PCDHA1: variants seen among roughly 807,000 people sequenced by gnomAD.
The protein encoded by PCDHA1 is protocadherin alpha-1.
PCDHA1 carries 42 observed loss-of-function variants against 61.3 expected under a neutral mutation model. The ratio of observed to expected loss-of-function variants is 0.69; its 90% confidence interval spans 0.54 to 0.89. The LOEUF is 0.89. Among genes scored for constraint, PCDHA1 ranks in the 40% least tolerant of loss-of-function variants. PCDHA1 has a pLI of 0.00. For synonymous variants in PCDHA1, 610 were observed against 553.8 expected, an observed-to-expected ratio of 1.10 and a Z score of -1.43; for missense variants, 1,256 against 1,235.3, an observed-to-expected ratio of 1.02 and a Z score of -0.25.
At chr5:140,850,834 C>G in intron 1 of PCDHA1, 1 of 1,597,920 alleles carries the variant, frequency 6.3e-7, no homozygotes, top group South Asian at 1.1e-5. Flanking sequence ...TCTCCTTGTG[C>G]TGGATCTACA....
intron 1 of PCDHA1, among the ~76,000 whole-genome samples, chr5:140,833,087 TAG>T (rs1281254791): frequency 6.6e-6 from 1 of 152,190 alleles, no homozygotes; most frequent in Non-Finnish European, 1.5e-5. Flanking sequence ...CTTTGAGTAC[TAG>T]ACGAGTAATT....
intron 1 of PCDHA1, chr5:140,877,158 G>A (rs781901798): frequency 1.2e-6 from 2 of 1,613,808 alleles, no homozygotes; most frequent in Admixed American, 3.3e-5. Context: ...ACGACAACGC[G>A]CCGGCACTGC....
chr5:140,797,173 C>T (rs1554120320), intron 1 of PCDHA1: 4 of 1,614,114 alleles, frequency 2.5e-6, no homozygotes, highest in Non-Finnish European at 3.4e-6. Flanking sequence ...GCCAGGAAAG[C>T]CCACGCTGGT....
chr5:140,850,459 G>T (rs868917699), intron 1 of PCDHA1: 1 of 1,597,898 alleles, frequency 6.3e-7, no homozygotes, highest in Admixed American at 1.7e-5. Flanking sequence ...AAAGACCACG[G>T]GGAGCCAGCG....
rs2150409863 is a variant in PCDHA1 at position 140,848,399 on chromosome 5, C to A, written c.2394+59715C>A. 68 of 1,293,766 alleles carry A rather than the reference C, an allele frequency of 5.3e-5. 5 individuals are homozygous for A. In the Admixed American group the frequency reaches 5.7e-4, roughly 11 times the overall value. The allele number at this position is 1,293,766 out of a possible 1,614,324, so 80.1% of individuals were successfully genotyped here. A position where few individuals can be genotyped will look rare whatever the true frequency, so the allele number is the denominator to read the frequency against. The stretch of plus-strand genomic sequence containing the variant: ...TCTTTTTCACTCTCTCTGTGCTGAA[C>A]GATGGCGAACACAGCAGAATGGGAC... On this transcript the variant is annotated intron_variant, in intron 1 of 3. Coordinates refer to ENST00000504120, the MANE Select transcript of PCDHA1 (RefSeq NM_018900.4).
In PCDHA1 at chr5:140,788,200, T is replaced by C. The variant is rs1752148896; in HGVS notation, c.1910T>C (p.Leu637Pro). The change falls in exon 1 of 4, where the codon CTG becomes CCG. Residue 637 changes from leucine (L) to proline (P), a missense_variant. By Grantham distance (98) the Leu-to-Pro change is moderately conservative. Coordinates refer to ENST00000504120, the MANE Select transcript of PCDHA1 (RefSeq NM_018900.4). ...YTGEISTTRV[L>P]DEADLSRYRL... is the part of the protein sequence containing the mutation. The stretch of plus-strand genomic sequence containing the variant: ...GGCGAGATCAGCACGACTCGTGTCC[T>C]GGACGAGGCTGACTTGTCGCGCTAC... 1 of 1,614,054 alleles carries C rather than the reference T, an allele frequency of 6.2e-7. No homozygotes were observed. The highest frequency in any genetic ancestry group is 1.3e-5 in the African/African-American group (1 of 75,064).
At chr5:140,846,654 A>T (rs941473250) in intron 1 of PCDHA1, among the ~76,000 whole-genome samples, 1 of 149,238 alleles carries the variant, frequency 6.7e-6, no homozygotes, top group African/African-American at 2.5e-5. Flanking sequence ...GATTACAGGC[A>T]TGAGCCACCG....
chr5:140,884,418 T>C, intron 1 of PCDHA1: 2 of 1,613,974 alleles, frequency 1.2e-6, no homozygotes, highest in South Asian at 2.2e-5. Flanking sequence ...ACGTTGCTGC[T>C]GTATACTGCG....
At chr5:140,928,603 C>T in intron 1 of PCDHA1, 2 of 1,614,208 alleles carry the variant, frequency 1.2e-6, no homozygotes, top group Admixed American at 3.3e-5. Context: ...GGAAATTGTG[C>T]CCCGCTCTGC....
intron 1 of PCDHA1, chr5:140,927,951 T>G: frequency 6.2e-7 from 1 of 1,614,198 alleles, no homozygotes; most frequent in Non-Finnish European, 8.5e-7. Context: ...CTGAGGACGC[T>G]GCCCCTGGCA....
At chr5:140,797,558 C>A in intron 1 of PCDHA1, 1 of 699,672 alleles carries the variant, frequency 1.4e-6, no homozygotes, top group Non-Finnish European at 2.4e-6. Context: ...CTTATTTTTA[C>A]ATTTTGGCAC....
At chr5:140,870,257 C>A in intron 1 of PCDHA1, 2 of 1,614,172 alleles carry the variant, frequency 1.2e-6, no homozygotes, top group African/African-American at 1.3e-5. Flanking sequence ...GGACAGGTGA[C>A]CTGCTCGCTG....
At chr5:140,794,150 G>T (rs1003607788) in intron 1 of PCDHA1, among the ~76,000 whole-genome samples, 2 of 152,204 alleles carry the variant, frequency 1.3e-5, no homozygotes, top group African/African-American at 4.8e-5. Context: ...TAAACAAAAC[G>T]TGGTGTATAC....
chr5:140,848,437 A>G lies in PCDHA1; in HGVS notation c.2394+59753A>G. ...AGCAGAATGGGACTGACGAAATCAGATGATTTCTTCTAATTTGGAGGCAAT... is the reference window on the plus strand; with the variant it reads ...AGCAGAATGGGACTGACGAAATCAGGTGATTTCTTCTAATTTGGAGGCAAT... On this transcript the variant is annotated intron_variant, in intron 1 of 3. Transcript: ENST00000504120. 4 of 1,473,718 alleles carry G rather than the reference A, an allele frequency of 2.7e-6. 1 individual carries two copies. Among genetic ancestry groups the G allele is most frequent in the Admixed American group, 1.9e-5 (1 of 52,040 alleles). 91.3% of individuals were successfully genotyped at this position (1,473,718 alleles called of 1,614,324 possible). A position where few individuals can be genotyped will look rare whatever the true frequency, so the allele number is the denominator to read the frequency against.
At chr5:141,003,087 G>A (rs894210434) in intron 3 of PCDHA1, among the ~76,000 whole-genome samples, 4 of 152,198 alleles carry the variant, frequency 2.6e-5, no homozygotes, top group Non-Finnish European at 5.9e-5. Flanking sequence ...AGTTTAACAG[G>A]CCTGGCATTT....
intron 1 of PCDHA1, chr5:140,828,967 C>G (rs1203175896): frequency 4.3e-6 from 7 of 1,614,068 alleles, no homozygotes; most frequent in Non-Finnish European, 5.9e-6. Context: ...TTATTGACCA[C>G]TTTAGCATAG....
At chr5:140,934,528 G>C (rs782284913) in intron 1 of PCDHA1, among the ~76,000 whole-genome samples, 1 of 152,116 alleles carries the variant, frequency 6.6e-6, no homozygotes, top group African/African-American at 2.4e-5. Flanking sequence ...CACTTCGAGA[G>C]CTACCGTTCT....
intron 1 of PCDHA1, among the ~76,000 whole-genome samples, chr5:140,838,108 GT>G (rs1775540163): frequency 6.7e-6 from 1 of 149,734 alleles, no homozygotes; most frequent in Admixed American, 6.7e-5. Flanking sequence ...GTGTGTGTGT[GT>G]GTGTGTGTGT....
intron 1 of PCDHA1, among the ~76,000 whole-genome samples, chr5:140,899,376 A>G (rs2153463773): frequency 6.6e-6 from 1 of 152,262 alleles, no homozygotes; most frequent in South Asian, 2.1e-4. Flanking sequence ...TCAATACCTA[A>G]TTTATTGAGA....
Sources: gnomAD v4.1 joint callset for allele counts (sites outside exome capture counted in the v4.1 genomes callset) on GRCh38, gnomAD v4.1.1 for gene constraint, MANE v1.5 for transcripts, NCBI Gene and HGNC (gene_info 2026-07-23, HGNC 2026-07-21) for gene names.